The following NXPE2 variants were observed in gnomAD, a reference collection of about 807,000 sequenced individuals.
NXPE2 encodes neurexophilin and PC-esterase domain family member 2, also known as NXPE family member 2.
A neutral mutation model predicts 34.4 loss-of-function variants in NXPE2; 34 were observed. The ratio of observed to expected loss-of-function variants is 0.99; its 90% CI spans 0.75 to 1.31. The LOEUF is 1.31. Among genes scored for constraint, NXPE2 ranks in the 40% most tolerant of loss-of-function variants. The pLI, the probability that NXPE2 is intolerant of heterozygous loss-of-function variation, is 0.00. For missense variants in NXPE2, 649 were observed against 672.5 expected (o/e 0.97, Z 0.39); for synonymous variants, 235 against 231.3 (o/e 1.02, Z -0.15).
chr11:114,615,986 A>G, the NXPE2 span, among the ~76,000 whole-genome samples: 7 of 148,400 alleles, frequency 4.7e-5, no homozygotes, highest in Admixed American at 4.7e-4. Context: ...CTCTCGTGGA[A>G]AAGCACTGTG....
chr11:114,806,253 A>G, the NXPE2 span, among the ~76,000 whole-genome samples: 1 of 152,192 alleles, frequency 6.6e-6, no homozygotes, highest in Admixed American at 6.5e-5. Context: ...AAAAAAACAG[A>G]GCAGAAAAAC....
the NXPE2 span, among the ~76,000 whole-genome samples, chr11:114,603,098 T>C: frequency 1.3e-5 from 2 of 151,920 alleles, no homozygotes; most frequent in Non-Finnish European, 2.9e-5. Context: ...ATAATTATTG[T>C]CTTGTCTCAT....
At position 114,679,682 on chromosome 11, in the gene NXPE2, A is replaced by G. The variant is rs1009666941; in HGVS notation, c.52A>G (p.Ile18Val). The stretch of plus-strand genomic sequence containing the variant: ...GATACTCACTTTGTTTCCAAATGCC[A>G]TAGCTCGAAAATTACTGCTGATGTT... ...HRILTLFPNA[I>V]ARKLLLMLTF... The change falls in exon 2 of 6, where the codon ATA (isoleucine) becomes GTA (valine). Residue 18 changes from isoleucine (I) to valine (V), a missense_variant. Coordinates refer to ENST00000389586, the MANE Select transcript of NXPE2 (RefSeq NM_182495.6). 4 of 1,549,916 alleles carry G rather than the reference A, an allele frequency of 2.6e-6. No homozygotes were observed. The highest frequency in any genetic ancestry group is 3.5e-6 in the Non-Finnish European group (4 of 1,145,752).
chr11:114,482,628 C>T, the NXPE2 span, among the ~76,000 whole-genome samples: 5 of 152,168 alleles, frequency 3.3e-5, no homozygotes, highest in East Asian at 7.7e-4. Context: ...CTGCAAGGTG[C>T]CTTAGTTAAT....
chr11:114,523,902 T>C, the NXPE2 span, among the ~76,000 whole-genome samples: 1 of 152,212 alleles, frequency 6.6e-6, no homozygotes, highest in African/African-American at 2.4e-5. Context: ...AGGAAACCAG[T>C]TTGAATGCTG....
chr11:114,586,229 C>T, the NXPE2 span, among the ~76,000 whole-genome samples: 1 of 152,158 alleles, frequency 6.6e-6, no homozygotes, highest in Non-Finnish European at 1.5e-5. Context: ...TTTCTTTTGC[C>T]TGTTAAACCT....
the NXPE2 span, among the ~76,000 whole-genome samples, chr11:114,540,885 T>TTTTTTTTG: frequency 6.2e-4 from 50 of 81,290 alleles, 14 homozygotes; most frequent in Middle Eastern, 6.8e-3. Context: ...TTTTTTTTTT[T>TTTTTTTTG]GGCTTGAACA....
upstream of NXPE2, chr11:114,678,480 A>G (rs746210513): frequency 3.2e-6 from 3 of 933,690 alleles, no homozygotes; most frequent in Non-Finnish European, 4.9e-6. Flanking sequence ...TGATCAATGA[A>G]GCTCATAGGG....
chr11:114,801,332 A>G, the NXPE2 span, among the ~76,000 whole-genome samples: 7 of 152,222 alleles, frequency 4.6e-5, no homozygotes, highest in Non-Finnish European at 1.0e-4. Context: ...TTGTGCAAAC[A>G]TTCTGGGCAG....
At chr11:114,587,310 T>G in the NXPE2 span, among the ~76,000 whole-genome samples, 5 of 152,174 alleles carry the variant, frequency 3.3e-5, no homozygotes, top group African/African-American at 1.2e-4. Flanking sequence ...AAATGGTACT[T>G]AAATAGTAAG....
chr11:114,626,754 G>A, the NXPE2 span, among the ~76,000 whole-genome samples: 1 of 152,180 alleles, frequency 6.6e-6, no homozygotes, highest in African/African-American at 2.4e-5. Flanking sequence ...CAAAGGCAAA[G>A]AAGTTGAAAA....
the NXPE2 span, among the ~76,000 whole-genome samples, chr11:114,733,480 AG>A: frequency 1.3e-5 from 2 of 152,178 alleles, no homozygotes; most frequent in African/African-American, 2.4e-5. Flanking sequence ...TCTTTGGGGA[AG>A]CAATCCTGCT....
At chr11:114,804,804 G>T in the NXPE2 span, among the ~76,000 whole-genome samples, 1 of 152,174 alleles carries the variant, frequency 6.6e-6, no homozygotes, top group Non-Finnish European at 1.5e-5. Context: ...GACCTGAGAT[G>T]TGGCTGGAGG....
the NXPE2 span, among the ~76,000 whole-genome samples, chr11:114,660,368 A>G: frequency 3.3e-5 from 5 of 152,060 alleles, no homozygotes; most frequent in African/African-American, 1.2e-4. Context: ...TCAACAAAGT[A>G]TTAGCAAATT....
chr11:114,758,078 T>C, the NXPE2 span, among the ~76,000 whole-genome samples: 9 of 152,350 alleles, frequency 5.9e-5, no homozygotes, highest in East Asian at 1.7e-3. Flanking sequence ...TCCACAGGTG[T>C]AGAAAGAGTG....
At chr11:114,522,769 GAGCCA>G in the NXPE2 span, 1 of 754,964 alleles carries the variant, frequency 1.3e-6, no homozygotes, top group South Asian at 1.8e-5. Context: ...CAAATCCAGA[GAGCCA>G]AATGAAGTAA....
At chr11:114,530,194 C>G in the NXPE2 span, 2 of 1,607,482 alleles carry the variant, frequency 1.2e-6, no homozygotes, top group Non-Finnish European at 1.7e-6. Flanking sequence ...AGGCTGTTTT[C>G]CTTGTCTGTA....
chr11:114,708,656 G>A (rs987792627), downstream of NXPE2, among the ~76,000 whole-genome samples: 1 of 151,376 alleles, frequency 6.6e-6, no homozygotes, highest in African/African-American at 2.4e-5. Flanking sequence ...GAAAAGAAAA[G>A]AAAAGAAAAG....
At chr11:114,613,970 A>C in the NXPE2 span, among the ~76,000 whole-genome samples, 3 of 150,024 alleles carry the variant, frequency 2.0e-5, no homozygotes, top group Non-Finnish European at 4.4e-5. Flanking sequence ...CCGGTGGATA[A>C]TAAGTATTGC....
Sources: gnomAD v4.1 joint callset for allele counts (sites outside exome capture counted in the v4.1 genomes callset) on GRCh38, gnomAD v4.1.1 for gene constraint, MANE v1.5 for transcripts, NCBI Gene and HGNC (gene_info 2026-07-23, HGNC 2026-07-21) for gene names.